The following MAU2 variants were observed in gnomAD, a reference collection of about 807,000 sequenced individuals.
MAU2 encodes the protein MAU2 chromatid cohesion factor homolog.
MAU2 carries 9 observed loss-of-function variants against 89.1 expected under a neutral mutation model. The observed-to-expected ratio is 0.10, with a 90% confidence interval of 0.06 to 0.18. The LOEUF is 0.18. Among genes scored for constraint, MAU2 ranks in the 10% least tolerant of loss-of-function variants. The pLI is 1.00. For missense variants in MAU2, 425 were observed against 803.5 expected (o/e 0.53, Z 5.69); for synonymous variants, 357 against 343.4 (o/e 1.04, Z -0.44).
intron 5 of MAU2, among the ~76,000 whole-genome samples, 171 bp downstream of exon 5, chr19:19,339,110 C>T (rs2061619879): frequency 6.6e-6 from 1 of 152,110 alleles, no homozygotes; most frequent in Non-Finnish European, 1.5e-5. Flanking sequence ...CCCAGGAGTT[C>T]AAGACCAGCC....
intron 5 of MAU2, among the ~76,000 whole-genome samples, chr19:19,339,372 G>T (rs988709654): frequency 6.6e-6 from 1 of 151,922 alleles, no homozygotes; most frequent in Non-Finnish European, 1.5e-5. Context: ...GCTTGAACCC[G>T]GGAGGCAGAG....
At chr19:19,348,565 GCTCAC>G (rs2061714349) in intron 13 of MAU2, 9 of 513,080 alleles carry the variant, frequency 1.8e-5, no homozygotes, top group Non-Finnish European at 2.8e-5. Context: ...AGCCCACAGG[GCTCAC>G]GGGCCCCAGC....
intron 5 of MAU2, 104 bp downstream of exon 5, chr19:19,339,043 G>A (rs1412109061): frequency 1.2e-6 from 1 of 859,408 alleles, no homozygotes; most frequent in East Asian, 2.7e-5. Flanking sequence ...GTGAAGTACA[G>A]TAGCTCACAG....
Position 19,352,283 on chromosome 19 carries a change from A to T in MAU2, c.1549-2072A>T, listed in dbSNP as rs1220576798. 3 of 152,178 alleles carry T rather than the reference A, an allele frequency of 2.0e-5. No individual in the cohort carries two copies. In the East Asian group the frequency reaches 5.8e-4, roughly 29 times the overall value. 9.4% of individuals were successfully genotyped at this position (152,178 alleles called of 1,614,324 possible). The stretch of plus-strand genomic sequence containing the variant: ...CCATTTCCACAGGACAGATAAAGCA[A>T]GATGTGTGTCTTGGCCTGTAAAGTT... On this transcript the variant is annotated intron_variant, in intron 16 of 18. Coordinates refer to ENST00000262815, the MANE Select transcript of MAU2 (RefSeq NM_015329.4).
In MAU2 at chr19:19,342,690, C is replaced by T. The variant is rs1449343648; in HGVS notation, c.882+9C>T. On this transcript the variant is annotated intron_variant, in intron 8 of 18. Coordinates refer to ENST00000262815, the MANE Select transcript of MAU2 (RefSeq NM_015329.4). The stretch of plus-strand genomic sequence containing the variant: ...GTGTGCTTGTCTACCTGGTGCGTCC[C>T]CACCAGGGCCCGGGCCAGGGCTGGG... 1.2e-6 allele frequency: 2 copies of T among 1,613,218 alleles called. No individual in the cohort carries two copies. The highest frequency in any genetic ancestry group is 4.5e-5 in the East Asian group (2 of 44,880).
At chr19:19,355,121 G>C in intron 17 of MAU2, 143 bp from the exon 18 acceptor site, 3 of 1,065,812 alleles carry the variant, frequency 2.8e-6, no homozygotes, top group Non-Finnish European at 4.0e-6. Context: ...CCCAAGACAG[G>C]GCTCAGGTCC....
At chr19:19,348,685 A>C in intron 13 of MAU2, 2 of 667,354 alleles carry the variant, frequency 3.0e-6, no homozygotes. Flanking sequence ...ACAGGGTGGC[A>C]CAGGCAGGGC....
rs1043148721 is a variant in MAU2, at chr19:19,345,553, G to A, written c.1221+184G>A. On this transcript the variant is annotated intron_variant, in intron 12 of 18. Transcript: ENST00000262815. The surrounding 1 kb of genome is among the most constrained non-coding windows in gnomAD (Gnocchi z 4.9). ...GTGACGCGCTGTTTATCTGGATAAG[G>A]GACAGCTATGGGGCCAGGGGCTTCC... 1.3e-5 allele frequency among the ~76,000 whole-genome samples: 2 copies of A among 152,220 alleles called. No homozygotes were observed. The highest frequency in any genetic ancestry group is 4.8e-5 in the African/African-American group (2 of 41,444).
chr19:19,331,373 G>A (rs2146665417), intron 1 of MAU2, among the ~76,000 whole-genome samples: 1 of 151,980 alleles, frequency 6.6e-6, no homozygotes, highest in Non-Finnish European at 1.5e-5. Flanking sequence ...GTGGTGGCGG[G>A]CGCCTGTAGT....
chr19:19,344,951 C>G (rs200693842), intron 11 of MAU2, 25 bp downstream of exon 11: 129 of 1,605,878 alleles, frequency 8.0e-5, no homozygotes, highest in Non-Finnish European at 9.8e-5. Context: ...GACAACACCC[C>G]GGGAGAATCC....
At chr19:19,336,472 T>C (rs936287794) in intron 3 of MAU2, among the ~76,000 whole-genome samples, 2 of 152,014 alleles carry the variant, frequency 1.3e-5, no homozygotes, top group South Asian at 4.2e-4. Context: ...GCTAATTTTT[T>C]TTATTTGTTC....
At chr19:19,344,424 C>A in intron 10 of MAU2, 1 of 235,348 alleles carries the variant, frequency 4.2e-6, no homozygotes, top group Non-Finnish European at 8.4e-6. Flanking sequence ...AAAAAAAAAC[C>A]CAAAAAACTA....
intron 1 of MAU2, among the ~76,000 whole-genome samples, chr19:19,333,435 C>CT (rs1303485728): frequency 6.6e-6 from 1 of 151,726 alleles, no homozygotes; most frequent in East Asian, 2.0e-4. Flanking sequence ...GCAGTGAGCT[C>CT]TGATTGTACT....
At chr19:19,333,580 G>A (rs568508327) in intron 1 of MAU2, among the ~76,000 whole-genome samples, 3 of 152,346 alleles carry the variant, frequency 2.0e-5, no homozygotes, top group East Asian at 1.9e-4. Context: ...AGAAGGGGGT[G>A]TAGTATTCTG....
chr19:19,345,832 G>C lies in MAU2; in HGVS notation c.1221+463G>C, dbSNP rs959145172. On this transcript the variant is annotated intron_variant, in intron 12 of 18. Coordinates refer to ENST00000262815, the MANE Select transcript of MAU2 (RefSeq NM_015329.4). This position sits in a 1 kb window ranked among gnomAD's most constrained non-coding sequence, Gnocchi z 4.9. ...CGGAGAGGGTGAAGCAGCACCCCAG[G>C]CTCCTGGCCTTAGACGGGGGCCCCG... is the stretch of plus-strand genomic sequence containing the variant. Among the ~76,000 whole-genome samples, 1 of 152,176 alleles carries C rather than the reference G, an allele frequency of 6.6e-6. No homozygotes were observed. The highest frequency in any genetic ancestry group is 1.5e-5 in the Non-Finnish European group (1 of 68,020).
At chr19:19,337,824 C>A (rs996100822) in intron 4 of MAU2, among the ~76,000 whole-genome samples, 6 of 152,354 alleles carry the variant, frequency 3.9e-5, no homozygotes, top group African/African-American at 1.2e-4. Flanking sequence ...TTTGGCCCCC[C>A]CAGATATAGG....
intron 18 of MAU2, 98 bp from the exon 19 acceptor site, chr19:19,355,610 C>G: frequency 7.9e-7 from 1 of 1,264,830 alleles, no homozygotes; most frequent in East Asian, 2.3e-5. Context: ...GAACAGAGTC[C>G]CGGCTGTGTG....
chr19:19,349,357 A>G lies in MAU2; in HGVS notation c.1469A>G (p.Asn490Ser). The change falls in exon 16 of 19, where the codon AAT becomes AGT. Residue 490 changes from asparagine to serine, a missense_variant. Physicochemically the swap from Asn to Ser is conservative, Grantham distance 46. Coordinates refer to ENST00000262815, the MANE Select transcript of MAU2 (RefSeq NM_015329.4). ...CTGCGGGAAACTCTGAAGATGTCCA[A>G]TGCTGAGGACCTGAACCGGCTCACA... ...RFLRETLKMS[N>S]AEDLNRLTAC... 1 of 1,614,186 alleles carries G rather than the reference A, an allele frequency of 6.2e-7. No homozygotes were observed. The highest frequency in any genetic ancestry group is 8.5e-7 in the Non-Finnish European group (1 of 1,180,038).
Position 19,345,505 on chromosome 19 carries a change from G to C in MAU2, c.1221+136G>C. On this transcript the variant is annotated intron_variant, in intron 12 of 18. Coordinates refer to ENST00000262815, the MANE Select transcript of MAU2 (RefSeq NM_015329.4). This position sits in a 1 kb window ranked among gnomAD's most constrained non-coding sequence, Gnocchi z 4.9. ...GCAGCCCCAGAGGCAATGCACAGTA[G>C]TCAGCCCATGCCAGCCTTGGCAGTG... is the stretch of plus-strand genomic sequence containing the variant. The C allele has an allele frequency of 1.2e-6, 1 of 811,428 alleles. No individual in the cohort carries two copies. The allele number at this position is 811,428 out of a possible 1,614,324, so 50.3% of individuals were successfully genotyped here. A position where few individuals can be genotyped will look rare whatever the true frequency, so the allele number is the denominator to read the frequency against.
Sources: allele counts gnomAD v4.1 joint callset (sites outside exome capture counted in the v4.1 genomes callset), GRCh38; gene constraint gnomAD v4.1.1; non-coding constraint Gnocchi (gnomAD v3.1); transcripts MANE v1.5; gene names NCBI Gene and HGNC (gene_info 2026-07-23, HGNC 2026-07-21).